The following PALM2AKAP2 variants were observed in gnomAD, a reference collection of about 807,000 sequenced individuals.
The protein encoded by PALM2AKAP2 is PALM2 and AKAP2 fusion, also known as PALM2-AKAP2 fusion protein.
Under a neutral mutation model 71.5 loss-of-function variants are expected in PALM2AKAP2, and 37 were observed. The observed-to-expected ratio is 0.52, with a 90% CI of 0.40 to 0.68. The LOEUF (loss-of-function observed/expected upper bound fraction) is 0.68. Among genes scored for constraint, PALM2AKAP2 ranks in the 30% least tolerant of loss-of-function variants. The pLI, the probability that PALM2AKAP2 is intolerant of heterozygous loss-of-function variation, is 0.00. For synonymous variants in PALM2AKAP2, 468 were observed against 478.8 expected (o/e 0.98, Z 0.29); for missense variants, 1,224 against 1,191.8 (o/e 1.03, Z -0.40).
intron 3 of PALM2AKAP2, among the ~76,000 whole-genome samples, chr9:109,897,074 C>T (rs892931591): frequency 2.0e-5 from 3 of 152,122 alleles, no homozygotes; most frequent in African/African-American, 7.2e-5. Context: ...CACCACTCAA[C>T]CTTTTAGCAG....
intron 1 of PALM2AKAP2, among the ~76,000 whole-genome samples, chr9:109,671,728 A>G (rs1464875549): frequency 6.6e-6 from 1 of 152,204 alleles, no homozygotes; most frequent in African/African-American, 2.4e-5. Flanking sequence ...ATCCATGAGC[A>G]TGGAATATTT....
exon 2 of PALM2AKAP2, chr9:110,136,511 C>A (rs372152814): frequency 9.2e-5 from 149 of 1,613,790 alleles, no homozygotes; most frequent in Non-Finnish European, 1.2e-4. Context: ...CGGCCTAAGC[C>A]CCCCTGTCCA....
chr9:110,100,006 A>ATG lies in PALM2AKAP2; in HGVS notation c.157-36120_157-36119insGT, dbSNP rs1338180377. Among the ~76,000 whole-genome samples, 7 of 130,178 alleles carry ATG rather than the reference A, an allele frequency of 5.4e-5. 1 individual carries two copies. Among genetic ancestry groups the ATG allele is most frequent in the African/African-American group, 2.4e-4 (7 of 29,370 alleles). The allele number at this position is 130,178 out of a possible 152,430, so 85.4% of individuals were successfully genotyped here. Reference sequence around the variant, plus strand: ...ATTCACACATATAACATGCATATATATATGTGTGTGTGTGTCTTAAACATA... The same window carrying ATG: ...ATTCACACATATAACATGCATATATATGTATGTGTGTGTGTGTCTTAAACATA... On this transcript the variant is annotated intron_variant, in intron 1 of 3. Transcript: ENST00000374525.
At chr9:109,713,928 G>A (rs1337754499) in intron 1 of PALM2AKAP2, among the ~76,000 whole-genome samples, 1 of 152,174 alleles carries the variant, frequency 6.6e-6, no homozygotes, top group Non-Finnish European at 1.5e-5. Context: ...CTCATCAACT[G>A]TAGCACATGT....
At chr9:109,750,027 T>G (rs1828861545) in intron 1 of PALM2AKAP2, among the ~76,000 whole-genome samples, 1 of 152,176 alleles carries the variant, frequency 6.6e-6, no homozygotes, top group Non-Finnish European at 1.5e-5. Context: ...AGATCAAAAG[T>G]AGTGATTTCA....
intron 7 of PALM2AKAP2, among the ~76,000 whole-genome samples, chr9:110,022,861 G>T (rs1157468032): frequency 2.0e-5 from 3 of 151,560 alleles, no homozygotes; most frequent in Non-Finnish European, 3.0e-5. Flanking sequence ...AGTTTGCTGA[G>T]AATGATGGTT....
chr9:110,116,364 G>A (rs765798889), intron 1 of PALM2AKAP2, among the ~76,000 whole-genome samples: 11 of 151,528 alleles, frequency 7.3e-5, no homozygotes, highest in East Asian at 1.9e-4. Context: ...CCGTGTGTGC[G>A]TGTGTGTGTG....
chr9:109,719,094 A>G (rs1020251334), intron 1 of PALM2AKAP2, among the ~76,000 whole-genome samples: 3 of 152,218 alleles, frequency 2.0e-5, no homozygotes, highest in African/African-American at 7.2e-5. Flanking sequence ...AAAAATAAAC[A>G]ATTTTTGAAA....
intron 1 of PALM2AKAP2, among the ~76,000 whole-genome samples, chr9:109,682,670 T>C (rs1827754134): frequency 6.6e-6 from 1 of 152,220 alleles, no homozygotes; most frequent in Non-Finnish European, 1.5e-5. Flanking sequence ...GTACCTTATG[T>C]TGCACAATAA....
At chr9:110,044,354 T>C (rs1324036632), upstream of PALM2AKAP2, among the ~76,000 whole-genome samples, 5 of 133,654 alleles carry the variant, frequency 3.7e-5, no homozygotes, top group South Asian at 2.8e-4. Context: ...CTTTTTTTTT[T>C]TTTTTTTTTT....
intron 1 of PALM2AKAP2, among the ~76,000 whole-genome samples, chr9:109,768,303 G>A (rs1307952512): frequency 1.3e-5 from 2 of 152,010 alleles, no homozygotes; most frequent in African/African-American, 4.8e-5. Flanking sequence ...TCCTTAGGAT[G>A]ACAGTCCAAG....
At chr9:110,168,589 A>G (rs1312350931) in exon 4 of PALM2AKAP2, 2 of 1,441,480 alleles carry the variant, frequency 1.4e-6, no homozygotes, top group Admixed American at 4.7e-5. Context: ...ACTATTTATT[A>G]AAGTGCAAAC....
intron 3 of PALM2AKAP2, among the ~76,000 whole-genome samples, chr9:109,910,903 G>A (rs1174433166): frequency 6.6e-6 from 1 of 152,224 alleles, no homozygotes; most frequent in Non-Finnish European, 1.5e-5. Flanking sequence ...GGATTCAGCA[G>A]CAACTAGAAC....
At chr9:109,887,180 T>C (rs1381199317) in intron 3 of PALM2AKAP2, among the ~76,000 whole-genome samples, 1 of 152,234 alleles carries the variant, frequency 6.6e-6, no homozygotes, top group Non-Finnish European at 1.5e-5. Flanking sequence ...GTATGTTATG[T>C]TGTGGGGTTT....
intron 2 of PALM2AKAP2, among the ~76,000 whole-genome samples, chr9:110,155,566 A>C (rs1055464934): frequency 1.3e-5 from 2 of 152,110 alleles, no homozygotes; most frequent in African/African-American, 4.8e-5. Flanking sequence ...TTCTTGGAGG[A>C]CATTGCGAGA....
At chr9:109,721,674 G>T (rs767645748) in intron 1 of PALM2AKAP2, among the ~76,000 whole-genome samples, 1 of 152,024 alleles carries the variant, frequency 6.6e-6, no homozygotes, top group Non-Finnish European at 1.5e-5. Flanking sequence ...GTTCTTTAAC[G>T]TAATTCCCAT....
At chr9:109,931,277 A>G (rs1370916653) in intron 5 of PALM2AKAP2, among the ~76,000 whole-genome samples, 1 of 152,202 alleles carries the variant, frequency 6.6e-6, no homozygotes, top group Non-Finnish European at 1.5e-5. Flanking sequence ...TCTTTTACAT[A>G]GCAACATTCC....
chr9:109,714,035 C>T (rs551126533), intron 1 of PALM2AKAP2, among the ~76,000 whole-genome samples: 1 of 152,252 alleles, frequency 6.6e-6, no homozygotes, highest in South Asian at 2.1e-4. Context: ...CCTAATACTG[C>T]AGAAAGAGTC....
At chr9:109,731,188 T>G (rs935965569) in intron 1 of PALM2AKAP2, among the ~76,000 whole-genome samples, 2 of 152,244 alleles carry the variant, frequency 1.3e-5, no homozygotes, top group African/African-American at 4.8e-5. Context: ...CAGAGGAGAT[T>G]GTGTCTTAAT....
Sources: gnomAD v4.1 joint callset for allele counts (sites outside exome capture counted in the v4.1 genomes callset) on GRCh38, gnomAD v4.1.1 for gene constraint, MANE v1.5 for transcripts, NCBI Gene and HGNC (gene_info 2026-07-23, HGNC 2026-07-21) for gene names.